The following CREBBP variants were observed in gnomAD, a reference collection of about 807,000 sequenced individuals.
CREBBP encodes CREB-binding protein.
In CREBBP, 19 loss-of-function variants were observed where a neutral mutation model predicts 265.0. The ratio of observed to expected loss-of-function variants is 0.07; its 90% confidence interval spans 0.05 to 0.11. CREBBP has a LOEUF of 0.11. Ranked by LOEUF, CREBBP falls within the 10% of genes least tolerant of loss-of-function variation. CREBBP has a pLI of 1.00. For missense variants in CREBBP, 2,525 were observed against 3,219.0 expected, an observed-to-expected ratio of 0.78 and a Z score of 5.22; for synonymous variants, 1,457 against 1,223.7, an observed-to-expected ratio of 1.19 and a Z score of -3.98.
intron 19 of CREBBP, among the ~76,000 whole-genome samples, chr16:3,752,706 T>A (rs2052501419): frequency 6.6e-6 from 1 of 152,226 alleles, no homozygotes; most frequent in Non-Finnish European, 1.5e-5. Flanking sequence ...CTGGGACCAA[T>A]CATTCATCAA....
At chr16:3,752,968 A>G (rs1245199080) in intron 19 of CREBBP, among the ~76,000 whole-genome samples, 1 of 152,250 alleles carries the variant, frequency 6.6e-6, no homozygotes, top group Admixed American at 6.5e-5. Context: ...CAAGATGAGT[A>G]CACAAGAATA....
intron 6 of CREBBP, among the ~76,000 whole-genome samples, chr16:3,782,360 A>G (rs1368342640): frequency 6.6e-6 from 1 of 152,192 alleles, no homozygotes; most frequent in East Asian, 1.9e-4. Flanking sequence ...AAATGACAAC[A>G]GTCAGCATGA....
chr16:3,725,170 C>A lies in CREBBP; in HGVS notation c.*2548G>T. ...CTCCTCTTAAGTATACAGCATGAGA[C>A]ACAGCGTTGGGGCTTTCCAGGTTTC... On this transcript the variant is annotated 3_prime_UTR_variant, in exon 31 of 31. Coordinates refer to ENST00000262367, the MANE Select transcript of CREBBP (RefSeq NM_004380.3). The A allele has an allele frequency of 4.3e-6, 1 of 233,548 alleles. No individual in the cohort carries two copies. Among genetic ancestry groups the A allele is most frequent in the Non-Finnish European group, 8.5e-6 (1 of 117,962 alleles). The allele number at this position is 233,548 out of a possible 1,614,324, so 14.5% of individuals were successfully genotyped here.
At chr16:3,808,154 GA>G (rs1253327345) in intron 3 of CREBBP, among the ~76,000 whole-genome samples, 1 of 131,672 alleles carries the variant, frequency 7.6e-6, no homozygotes, top group African/African-American at 2.8e-5. Context: ...AGGGATGAAA[GA>G]AGGGGGGGGC....
At chr16:3,859,869 T>C (rs1269646805) in intron 1 of CREBBP, among the ~76,000 whole-genome samples, 1 of 152,192 alleles carries the variant, frequency 6.6e-6, no homozygotes, top group Non-Finnish European at 1.5e-5. Context: ...CTTCATAATA[T>C]CCTTTACAAT....
chr16:3,785,488 A>G (rs1323258393), intron 5 of CREBBP, among the ~76,000 whole-genome samples: 2 of 152,326 alleles, frequency 1.3e-5, no homozygotes, highest in Admixed American at 6.5e-5. Context: ...TGCATCCCTG[A>G]AAGGTGGGAT....
chr16:3,735,887 C>A, intron 28 of CREBBP, 149 bp downstream of exon 28: 1 of 1,235,266 alleles, frequency 8.1e-7, no homozygotes, highest in Non-Finnish European at 1.2e-6. Context: ...TGCCCACCAA[C>A]GCCCTGTGCT....
rs1567360447 is a variant in CREBBP at position 3,849,440 on chromosome 16, T to TGTGTGTG, written c.798+850_798+856dup. Among the ~76,000 whole-genome samples the TGTGTGTG allele has an allele frequency of 4.8e-3, 71 of 14,886 alleles. 3 individuals are homozygous for TGTGTGTG. The highest frequency in any genetic ancestry group is 0.027 in the East Asian group (4 of 146). The allele number at this position is 14,886 out of a possible 152,430, so 9.8% of individuals were successfully genotyped here. ...GTGTGTGTGTGTGTGTGTGTGTGTG[T>TGTGTGTG]GTGTGTGTGTGTGTGTGTGTGTGTG... On this transcript the variant is annotated intron_variant, in intron 2 of 30. Transcript: ENST00000262367.
At chr16:3,745,915 A>AGG (rs2052331239) in intron 21 of CREBBP, among the ~76,000 whole-genome samples, 1 of 152,242 alleles carries the variant, frequency 6.6e-6, no homozygotes, top group Non-Finnish European at 1.5e-5. Context: ...CAAGTTGACA[A>AGG]GGGTTTATTC....
intron 1 of CREBBP, among the ~76,000 whole-genome samples, chr16:3,863,527 G>A (rs754274100): frequency 1.9e-4 from 29 of 152,160 alleles, no homozygotes; most frequent in Admixed American, 1.6e-3. Context: ...TGCTGAACTC[G>A]GGAGGCAGAG....
chr16:3,773,564 A>C, intron 13 of CREBBP, 187 bp downstream of exon 13: 1 of 650,472 alleles, frequency 1.5e-6, no homozygotes, highest in Non-Finnish European at 2.6e-6. Context: ...AGAAAGGATA[A>C]GAGAAATTCC....
rs766302352 is a variant in CREBBP, at chr16:3,782,879, C to T, written c.1378G>A (p.Val460Ile). ...ASGIQNTIGS[V>I]GTGQQNATSL... ...GTGGCATTCTGTTGCCCTGTGCCAA[C>T]AGAACCAATTGTGTTTTGAATTCCA... Residue 460 changes from valine (V) to isoleucine (I), a missense_variant, in exon 6 of 31, where the codon GTT (valine) becomes ATT (isoleucine). By Grantham distance (29) the Val-to-Ile change is conservative. Around this residue, in one of 19 missense-constraint regions of CREBBP, gnomAD observed 48 missense variants for 70.2 expected, o/e 0.68. Transcript: ENST00000262367. The T allele has an allele frequency of 1.9e-6, 3 of 1,614,184 alleles. No homozygotes were observed. The highest frequency in any genetic ancestry group is 2.2e-5 in the East Asian group (1 of 44,882).
chr16:3,806,851 T>TA (rs2053840583), intron 3 of CREBBP, among the ~76,000 whole-genome samples: 1 of 152,024 alleles, frequency 6.6e-6, no homozygotes. Context: ...TTTCTGGACT[T>TA]CTACCAGTTC....
intron 1 of CREBBP, among the ~76,000 whole-genome samples, chr16:3,868,060 C>T (rs2055214628): frequency 6.6e-6 from 1 of 151,964 alleles, no homozygotes; most frequent in African/African-American, 2.4e-5. Flanking sequence ...CTACTTAGGG[C>T]AAAAAGAGTA....
At position 3,745,461 on chromosome 16, in the gene CREBBP, A is replaced by G. The variant is rs2052320565; in HGVS notation, c.3837-107T>C. 4.2e-6 allele frequency: 4 copies of G among 948,252 alleles called. No individual in the cohort carries two copies. The South Asian group carries it at 5.5e-5, about 13-fold the overall frequency. The allele number at this position is 948,252 out of a possible 1,614,324, so 58.7% of individuals were successfully genotyped here. On this transcript the variant is annotated intron_variant, in intron 21 of 30. Transcript: ENST00000262367. ...ACACCTTGTTCTCTGGGTTACTTTG[A>G]GTAGTGCTGACATTAATGCGTGTGT...
chr16:3,817,995 T>C (rs1337883012), intron 2 of CREBBP, among the ~76,000 whole-genome samples: 1 of 152,160 alleles, frequency 6.6e-6, no homozygotes, highest in Non-Finnish European at 1.5e-5. Context: ...CCCTGAGCCA[T>C]GTATGGGAGC....
intron 2 of CREBBP, among the ~76,000 whole-genome samples, chr16:3,843,683 G>A (rs190771004): frequency 1.1e-4 from 16 of 151,990 alleles, no homozygotes; most frequent in Admixed American, 5.2e-4. Context: ...GCCTCCTAAA[G>A]TGTTGGAATT....
rs184980632 is a variant in CREBBP, at chr16:3,877,320, A to G, written c.85+2512T>C. 5.7e-4 allele frequency among the ~76,000 whole-genome samples: 87 copies of G among 152,342 alleles called. 4 individuals are homozygous for G. The highest frequency in any genetic ancestry group is 2.0e-3 in the African/African-American group (83 of 41,578). On this transcript the variant is annotated intron_variant, in intron 1 of 30. Transcript: ENST00000262367. ...TGTATTTAATGTAAAAACTCAAGCC[A>G]TTTATTTGTTTAAAATACATCCCTA...
At position 3,725,787 on chromosome 16, in the gene CREBBP, G is replaced by T. The variant is rs1405660058; in HGVS notation, c.*1931C>A. Reference sequence around the variant, plus strand: ...AGCTATTTAAAACCTATCTGTGAATGTAAGGGCCCAAACGGAAGCTATTTG... The same window carrying T: ...AGCTATTTAAAACCTATCTGTGAATTTAAGGGCCCAAACGGAAGCTATTTG... On this transcript the variant is annotated 3_prime_UTR_variant, in exon 31 of 31. Coordinates refer to ENST00000262367, the MANE Select transcript of CREBBP (RefSeq NM_004380.3). 1.7e-5 allele frequency: 4 copies of T among 233,120 alleles called. No homozygotes were observed. The highest frequency in any genetic ancestry group is 6.6e-5 in the African/African-American group (3 of 45,330). 14.4% of individuals were successfully genotyped at this position (233,120 alleles called of 1,614,324 possible).
Sources: gnomAD v4.1 joint callset for allele counts (sites outside exome capture counted in the v4.1 genomes callset) on GRCh38, gnomAD v4.1.1 for gene constraint, gnomAD v4.1.1 regional missense constraint, MANE v1.5 for transcripts, NCBI Gene and HGNC (gene_info 2026-07-23, HGNC 2026-07-21) for gene names.